ANO2: variants seen among roughly 807,000 people sequenced by gnomAD.
ANO2 encodes the protein anoctamin 2.
Under a neutral mutation model 124.2 loss-of-function variants are expected in ANO2, and 101 were observed. That is an observed-to-expected ratio of 0.81 (90% CI 0.69 to 0.96). ANO2 has a LOEUF of 0.96. ANO2 is among the 40% of genes least tolerant of loss of function. The pLI, the probability that ANO2 is intolerant of heterozygous loss-of-function variation, is 0.00. For missense variants in ANO2, 1,293 were observed against 1,274.5 expected (o/e 1.01, Z -0.22); for synonymous variants, 486 against 482.5 (o/e 1.01, Z -0.09).
Position 5,658,495 on chromosome 12 carries a change from T to C in ANO2, c.1546-10694A>G, listed in dbSNP as rs192984514. Among the ~76,000 whole-genome samples the C allele has an allele frequency of 5.9e-5, 9 of 152,228 alleles. No homozygotes were observed. Among genetic ancestry groups the C allele is most frequent in the Admixed American group, 1.3e-4 (2 of 15,286 alleles). On this transcript the variant is annotated intron_variant, in intron 14 of 24. Coordinates refer to ENST00000682330, the MANE Select transcript of ANO2 (RefSeq NM_001364791.2). The surrounding 1 kb of genome is among the most constrained non-coding windows in gnomAD (Gnocchi z 4.3). Reference sequence around the variant, plus strand: ...ACTATCATCATCATCATCAATATCATCGTATCAAAATCAATATAATCATCA... The same window carrying C: ...ACTATCATCATCATCATCAATATCACCGTATCAAAATCAATATAATCATCA...
intron 15 of ANO2, among the ~76,000 whole-genome samples, chr12:5,646,934 G>C (rs1844211446): frequency 6.6e-6 from 1 of 152,136 alleles, no homozygotes; most frequent in Non-Finnish European, 1.5e-5. Context: ...ACAATTTCCA[G>C]ACCAATTTTT....
chr12:5,906,751 C>T (rs1446736810), intron 3 of ANO2, among the ~76,000 whole-genome samples: 1 of 151,872 alleles, frequency 6.6e-6, no homozygotes, highest in Non-Finnish European at 1.5e-5. Flanking sequence ...GCCAAGATCG[C>T]ACCACTGCAC....
chr12:5,824,305 A>G (rs1486783877), intron 7 of ANO2, among the ~76,000 whole-genome samples: 1 of 152,194 alleles, frequency 6.6e-6, no homozygotes, highest in South Asian at 2.1e-4. Flanking sequence ...TGCTTCCCTT[A>G]TAAAACTGAA....
At position 5,585,965 on chromosome 12, in the gene ANO2, G is replaced by A. The variant is rs914710805; in HGVS notation, c.2234-7447C>T. On this transcript the variant is annotated intron_variant, in intron 20 of 24. Coordinates refer to ENST00000682330, the MANE Select transcript of ANO2 (RefSeq NM_001364791.2). ...GAGGACAAAACAAGTAAGAAAACTC[G>A]GGGAACCACAATGCAGCTATGTTTG... Among the ~76,000 whole-genome samples, 6 of 152,282 alleles carry A rather than the reference G, an allele frequency of 3.9e-5. No homozygotes were observed. The South Asian group carries it at 6.2e-4, about 16-fold the overall frequency.
chr12:5,944,404 G>C (rs149455877), intron 1 of ANO2, among the ~76,000 whole-genome samples: 1 of 152,148 alleles, frequency 6.6e-6, no homozygotes, highest in Non-Finnish European at 1.5e-5. Context: ...AAAGTATCAG[G>C]ACTGTGACTG....
At chr12:5,919,397 T>A (rs59890434) in intron 3 of ANO2, among the ~76,000 whole-genome samples, 3 of 103,342 alleles carry the variant, frequency 2.9e-5, no homozygotes, top group South Asian at 3.5e-4. Context: ...GAAAGGGCAA[T>A]AGCACAAAGA....
chr12:5,865,984 A>T (rs1238527068), intron 3 of ANO2, among the ~76,000 whole-genome samples: 2 of 152,254 alleles, frequency 1.3e-5, no homozygotes, highest in East Asian at 3.8e-4. Context: ...ATAGTTGCCA[A>T]GTTTTGCTCT....
intron 7 of ANO2, among the ~76,000 whole-genome samples, chr12:5,819,537 C>T (rs1158376199): frequency 6.6e-6 from 1 of 152,066 alleles, no homozygotes; most frequent in Non-Finnish European, 1.5e-5. Flanking sequence ...TAAAACATGG[C>T]CCACTGTGGT....
At position 5,888,008 on chromosome 12, in the gene ANO2, G is replaced by C. The variant is rs550091382; in HGVS notation, c.534+33032C>G. Among the ~76,000 whole-genome samples the C allele has an allele frequency of 3.5e-3, 537 of 152,240 alleles. 4 individuals are homozygous for C. Among genetic ancestry groups the C allele is most frequent in the African/African-American group, 0.013 (523 of 41,532 alleles). On this transcript the variant is annotated intron_variant, in intron 3 of 24. Coordinates refer to ENST00000682330, the MANE Select transcript of ANO2 (RefSeq NM_001364791.2). ...AGAGGTTGATTCTGTGTCCGCAATT[G>C]GTGGGTTCTTGGTCTCACTGACTTC...
intron 14 of ANO2, among the ~76,000 whole-genome samples, chr12:5,682,918 T>C (rs1043863976): frequency 5.3e-5 from 8 of 152,318 alleles, no homozygotes; most frequent in Admixed American, 5.2e-4. Context: ...GACAAGATGA[T>C]GCTGAGTTGT....
intron 14 of ANO2, among the ~76,000 whole-genome samples, chr12:5,679,650 G>A (rs1948408418): frequency 6.6e-6 from 1 of 152,222 alleles, no homozygotes; most frequent in Admixed American, 6.5e-5. Context: ...AGATGTTGGT[G>A]AGGTTAGGAA....
At chr12:5,937,139 T>C (rs553267375) in intron 1 of ANO2, among the ~76,000 whole-genome samples, 95 of 152,318 alleles carry the variant, frequency 6.2e-4, no homozygotes, top group African/African-American at 2.1e-3. Context: ...AACTTCAAAC[T>C]GTTTTCCACA....
intron 15 of ANO2, 68 bp downstream of exon 15, chr12:5,647,659 C>A (rs962202580): frequency 8.3e-7 from 1 of 1,203,760 alleles, no homozygotes; most frequent in Non-Finnish European, 1.2e-6. Flanking sequence ...AATATAATAC[C>A]CACAGTAGTC....
chr12:5,586,188 CT>C (rs1943102763), intron 20 of ANO2, among the ~76,000 whole-genome samples: 1 of 152,184 alleles, frequency 6.6e-6, no homozygotes, highest in African/African-American at 2.4e-5. Flanking sequence ...TCCAGATACA[CT>C]TTTGCCTTTT....
At chr12:5,726,207 A>G (rs143456942) in intron 14 of ANO2, among the ~76,000 whole-genome samples, 3 of 152,208 alleles carry the variant, frequency 2.0e-5, no homozygotes, top group African/African-American at 7.2e-5. Flanking sequence ...TGAAAACACA[A>G]TCTATACCTA....
At position 5,793,269 on chromosome 12, in the gene ANO2, A is replaced by G. The variant is rs544303910; in HGVS notation, c.1055+6238T>C. Among the ~76,000 whole-genome samples, 8 of 152,240 alleles carry G rather than the reference A, an allele frequency of 5.3e-5. No homozygotes were observed. The South Asian group carries it at 8.3e-4, about 16-fold the overall frequency. ...CCAAGACAGAAACAAACTGTCCCAG[A>G]GATAAGGTGCTCCCTATTCCAAGAA... is the stretch of plus-strand genomic sequence containing the variant. On this transcript the variant is annotated intron_variant, in intron 10 of 24. Coordinates refer to ENST00000682330, the MANE Select transcript of ANO2 (RefSeq NM_001364791.2).
At chr12:5,604,649 G>C (rs961545584) in intron 19 of ANO2, among the ~76,000 whole-genome samples, 5 of 152,076 alleles carry the variant, frequency 3.3e-5, no homozygotes, top group African/African-American at 1.2e-4. Flanking sequence ...TCCAGTGTGG[G>C]TAGGTCAAAA....
chr12:5,777,033 A>G (rs1952251835), intron 10 of ANO2, among the ~76,000 whole-genome samples: 1 of 152,260 alleles, frequency 6.6e-6, no homozygotes. Context: ...AACCTGGGAC[A>G]TATGACAGTG....
At chr12:5,831,538 C>G (rs1397082226) in intron 5 of ANO2, among the ~76,000 whole-genome samples, 1 of 152,158 alleles carries the variant, frequency 6.6e-6, no homozygotes, top group Admixed American at 6.5e-5. Flanking sequence ...CTGGATGGAC[C>G]TAGACTTTGG....
Sources: gnomAD v4.1 joint callset for allele counts (sites outside exome capture counted in the v4.1 genomes callset) on GRCh38, gnomAD v4.1.1 for gene constraint, Gnocchi (gnomAD v3.1) non-coding constraint, MANE v1.5 for transcripts, NCBI Gene and HGNC (gene_info 2026-07-23, HGNC 2026-07-21) for gene names.